Variants in CPLANE1 observed in about 807,000 individuals in gnomAD.
CPLANE1 encodes ciliogenesis and planar polarity effector complex subunit 1, also known as ciliogenesis and planar polarity effector 1.
CPLANE1 carries 263 observed loss-of-function variants against 362.5 expected under a neutral mutation model. The observed-to-expected ratio is 0.73, with a 90% CI of 0.66 to 0.80. The LOEUF (loss-of-function observed/expected upper bound fraction) is 0.80. CPLANE1 is among the 30% of genes least tolerant of loss of function. The pLI, the probability that CPLANE1 is intolerant of heterozygous loss-of-function variation, is 0.00. For missense variants in CPLANE1, 3,461 were observed against 3,793.4 expected (o/e 0.91, Z 2.30); for synonymous variants, 1,212 against 1,302.6 (o/e 0.93, Z 1.50).
intron 45 of CPLANE1, 138 bp from the exon 46 acceptor site, chr5:37,138,986 T>A: frequency 1.3e-6 from 1 of 744,674 alleles, no homozygotes; most frequent in Non-Finnish European, 2.1e-6. Flanking sequence ...GTAATTCTAG[T>A]ATCTCTCAGT....
chr5:37,167,195 TAA>T lies in CPLANE1; in HGVS notation c.7250_7251del (p.Leu2417HisfsTer4), dbSNP rs745829018. 1.2e-6 allele frequency: 2 copies of T among 1,609,790 alleles called. No individual in the cohort carries two copies. The highest frequency in any genetic ancestry group is 2.7e-5 in the African/African-American group (2 of 74,758). On this transcript the variant is annotated frameshift_variant, in exon 35 of 53. Transcript: ENST00000651892. LOFTEE classifies it high-confidence loss of function. ...AACGCAATGAGGTTTTCAAGTGGGA[TAA>T]GTTGTGTTTTTTTGCACTACAAGAA... Reference protein sequence around the residue: ...SPENRCKKTQLIPLENLIAFK... With the variant: ...SPENRCKKTQXIPLENLIAFK...
rs1358877955 is a variant in CPLANE1, at chr5:37,107,775, A to G, written c.9583T>C (p.Leu3195=). 1 of 1,600,024 alleles carries G rather than the reference A, an allele frequency of 6.2e-7. No individual in the cohort carries two copies. The change falls in exon 53 of 53, where the codon TTG becomes CTG. Residue 3195 remains leucine, a synonymous_variant. Coordinates refer to ENST00000651892, the MANE Select transcript of CPLANE1 (RefSeq NM_001384732.1). ...HESHNSLLQD[L]SPTEEEEPEH... ...GGCTCTTCCTCTTCAGTTGGAGACA[A>G]GTCCTATTAAATTGAAAAGACAATT...
At chr5:37,079,136 T>C in the CPLANE1 span, among the ~76,000 whole-genome samples, 1 of 152,224 alleles carries the variant, frequency 6.6e-6, no homozygotes, top group African/African-American at 2.4e-5. Flanking sequence ...TGTGCCTATG[T>C]CCCAGATAGT....
At chr5:37,139,297 C>G (rs768174024) in intron 45 of CPLANE1, 43 bp downstream of exon 45, 1 of 1,384,444 alleles carries the variant, frequency 7.2e-7, no homozygotes, top group South Asian at 1.4e-5. Flanking sequence ...CTATCTACAC[C>G]CAACTTTAAA....
chr5:37,082,150 A>G, the CPLANE1 span, among the ~76,000 whole-genome samples: 1 of 152,194 alleles, frequency 6.6e-6, no homozygotes, highest in Non-Finnish European at 1.5e-5. Flanking sequence ...AACAGAGGTA[A>G]TGGCTGACTT....
At position 37,226,912 on chromosome 5, in the gene CPLANE1, C is replaced by T. The variant is rs780026024; in HGVS notation, c.1683G>A (p.Glu561=). 2.6e-6 allele frequency: 4 copies of T among 1,551,836 alleles called. No homozygotes were observed. Among genetic ancestry groups the T allele is most frequent in the Admixed American group, 2.0e-5 (1 of 51,012 alleles). The change falls in exon 12 of 53, where the codon GAG becomes GAA. Residue 561 remains glutamate, a synonymous_variant. Transcript: ENST00000651892. The part of the protein sequence containing the change: ...DTIHAKDDSE[E]TDRTITELHS... ...GCAGTTCTGTAATGGTTCTATCTGT[C>T]TCCTCACTATCATCCTTTGCATGTA... is the stretch of plus-strand genomic sequence containing the variant.
chr5:37,186,260 G>A, intron 24 of CPLANE1, 26 bp downstream of exon 24: 1 of 1,062,716 alleles, frequency 9.4e-7, no homozygotes, highest in Non-Finnish European at 1.4e-6. Flanking sequence ...TTATCTGTTA[G>A]CTATCTGAGA....
intron 49 of CPLANE1, among the ~76,000 whole-genome samples, chr5:37,120,849 T>G (rs1432398681): frequency 1.3e-5 from 2 of 152,220 alleles, no homozygotes; most frequent in South Asian, 2.1e-4. Context: ...TGAAGTAAAC[T>G]CTACACTACA....
chr5:37,216,063 C>T (rs1175019442), intron 15 of CPLANE1, among the ~76,000 whole-genome samples: 1 of 152,024 alleles, frequency 6.6e-6, no homozygotes, highest in Non-Finnish European at 1.5e-5. Flanking sequence ...TCTTGAACTC[C>T]TGAGCTCAAG....
Position 37,231,040 on chromosome 5 carries a change from C to A in CPLANE1, c.948G>T (p.Trp316Cys). 1 of 1,526,326 alleles carries A rather than the reference C, an allele frequency of 6.6e-7. No homozygotes were observed. The allele number at this position is 1,526,326 out of a possible 1,614,324, so 94.5% of individuals were successfully genotyped here. A position where few individuals can be genotyped will look rare whatever the true frequency, so the allele number is the denominator to read the frequency against. ...VVPATLIRSY[W>C]VGDISWTHDS... ...CATGCGTCCAGCTGATATCACCTAC[C>A]CAGTAGGACCTATAATAAATAAGAG... Residue 316 changes from tryptophan (W) to cysteine (C), a missense_variant, in exon 9 of 53, where the codon TGG (tryptophan) becomes TGT (cysteine). By Grantham distance (215) the Trp-to-Cys change is radical. Coordinates refer to ENST00000651892, the MANE Select transcript of CPLANE1 (RefSeq NM_001384732.1).
intron 36 of CPLANE1, among the ~76,000 whole-genome samples, chr5:37,164,779 T>C (rs531179276): frequency 1.3e-5 from 2 of 152,338 alleles, no homozygotes; most frequent in African/African-American, 2.4e-5. Context: ...CAAAAATAGT[T>C]AGTCACCAAA....
Position 37,206,414 on chromosome 5 carries a change from G to T in CPLANE1, c.2932C>A (p.Arg978=). The T allele has an allele frequency of 2.6e-6, 4 of 1,549,450 alleles. No homozygotes were observed. Among genetic ancestry groups the T allele is most frequent in the Non-Finnish European group, 3.5e-6 (4 of 1,144,928 alleles). ...TTAGAGTGTTGCAGAGGAATAAGTC[G>T]AAAGGACTGCTCTGTGAGTAAATTT... ...PLHIKTEQSF[R]LIPLQHSKVA... The change falls in exon 17 of 53, where the codon CGA becomes AGA. Residue 978 remains arginine, a synonymous_variant. Coordinates refer to ENST00000651892, the MANE Select transcript of CPLANE1 (RefSeq NM_001384732.1).
In CPLANE1 at chr5:37,186,372, G is replaced by A. The variant is rs1431507702; in HGVS notation, c.4103C>T (p.Ala1368Val). 13 of 1,594,236 alleles carry A rather than the reference G, an allele frequency of 8.2e-6. No individual in the cohort carries two copies. The highest frequency in any genetic ancestry group is 1.1e-5 in the Non-Finnish European group (13 of 1,164,118). The change falls in exon 24 of 53, where the codon GCA becomes GTA. Residue 1368 changes from alanine (A) to valine (V), a missense_variant. Ala to Val is a moderately conservative substitution (Grantham distance 64, BLOSUM62 0). Around this residue, in one of 2 missense-constraint regions of CPLANE1, gnomAD observed 3,380 missense variants for 3,666.1 expected, o/e 0.92. Coordinates refer to ENST00000651892, the MANE Select transcript of CPLANE1 (RefSeq NM_001384732.1). ...CCTCACGTCCTCAGGATAGGGAAAT[G>A]CTTTCACGAAAATTTCTGCTACCTT... is the stretch of plus-strand genomic sequence containing the variant. ...IRKVAEIFVK[A>V]FPYPEDVRVP... is the part of the protein sequence containing the mutation.
At position 37,213,746 on chromosome 5, in the gene CPLANE1, C is replaced by A. The variant is rs1194827148; in HGVS notation, c.2747-14G>T. 2 of 1,454,134 alleles carry A rather than the reference C, an allele frequency of 1.4e-6. No homozygotes were observed. Among genetic ancestry groups the A allele is most frequent in the Admixed American group, 2.4e-5 (1 of 41,098 alleles). 90.1% of individuals were successfully genotyped at this position (1,454,134 alleles called of 1,614,324 possible). A position where few individuals can be genotyped will look rare whatever the true frequency, so the allele number is the denominator to read the frequency against. On this transcript the variant is annotated splice_polypyrimidine_tract_variant and intron_variant, in intron 15 of 52. Coordinates refer to ENST00000651892, the MANE Select transcript of CPLANE1 (RefSeq NM_001384732.1). ...ACTTTGCAGCACCTAAGGAATACAG[C>A]AATGACCTAAGAAGATTGTGATCAA...
chr5:37,138,770 T>A lies in CPLANE1; in HGVS notation c.8742A>T (p.Gly2914=). The A allele has an allele frequency of 6.2e-7, 1 of 1,613,204 alleles. No homozygotes were observed. The part of the protein sequence containing the change: ...DIIDDLIIKD[G]VSSEELGLTE... ...TTAAGCCAAGTTCTTCACTGGAAAC[T>A]CCGTCTTTAATTATAAGGTCATCAA... Residue 2914 remains glycine (G), a synonymous_variant, in exon 46 of 53, where the codon GGA becomes GGT. Transcript: ENST00000651892.
intron 46 of CPLANE1, among the ~76,000 whole-genome samples, chr5:37,128,867 AAAAAAAAAATCATCAT>A (rs1166602255): frequency 2.8e-5 from 4 of 141,498 alleles, no homozygotes; most frequent in Admixed American, 1.4e-4. Flanking sequence ...AAAAAAAAAC[AAAAAAAAAATCATCAT>A]TCTTCACCGA....
At chr5:37,126,961 C>T (rs373654523) in intron 46 of CPLANE1, among the ~76,000 whole-genome samples, 7 of 152,200 alleles carry the variant, frequency 4.6e-5, no homozygotes, top group African/African-American at 1.4e-4. Flanking sequence ...TGAATATCTG[C>T]TTTCCTTTTG....
chr5:37,081,542 C>T, the CPLANE1 span, among the ~76,000 whole-genome samples: 17 of 151,852 alleles, frequency 1.1e-4, no homozygotes, highest in African/African-American at 3.6e-4. Context: ...AGGCTGGTCT[C>T]GAACTCCTGA....
chr5:37,158,376 A>C (rs1439055552), intron 38 of CPLANE1, 31 bp from the exon 39 acceptor site: 4 of 1,590,898 alleles, frequency 2.5e-6, no homozygotes, highest in Non-Finnish European at 3.4e-6. Context: ...AATCAGGAAC[A>C]TTCAAAAAAA....
Sources: allele counts gnomAD v4.1 joint callset (sites outside exome capture counted in the v4.1 genomes callset), GRCh38; gene constraint gnomAD v4.1.1; regional missense constraint gnomAD v4.1.1; transcripts MANE v1.5; gene names NCBI Gene and HGNC (gene_info 2026-07-23, HGNC 2026-07-21).